The following UGT1A5 variants were observed in gnomAD, a reference collection of about 807,000 sequenced individuals.
UGT1A5 encodes UDP-glucuronosyltransferase 1A5.
A neutral mutation model predicts 40.3 loss-of-function variants in UGT1A5; 29 were observed. The observed-to-expected ratio is 0.72, with a 90% CI of 0.54 to 0.98. UGT1A5 has a LOEUF of 0.98. Ranked by LOEUF, UGT1A5 falls within the 50% of genes least tolerant of loss-of-function variation. The probability of loss-of-function intolerance (pLI) is 0.00; values close to 1 mark genes in which losing one functional copy is unlikely to be tolerated. For missense variants in UGT1A5, 678 were observed against 677.9 expected, an observed-to-expected ratio of 1.00 and a Z score of 0.00; for synonymous variants, 257 against 262.5, an observed-to-expected ratio of 0.98 and a Z score of 0.20.
At chr2:233,733,843 T>C (rs1303071690) in intron 1 of UGT1A5, among the ~76,000 whole-genome samples, 2 of 152,184 alleles carry the variant, frequency 1.3e-5, no homozygotes, top group African/African-American at 4.8e-5. Flanking sequence ...GAGGATTCCC[T>C]CTTTTTCTAT....
rs184388078 is a variant in UGT1A5 at position 233,743,692 on chromosome 2, G to A, written c.868-23342G>A. ...CGAAGGGCCTGCCGCCTGTGCAGCCGCCCTCCGCCCCCGCCTCGCCATAGC... is the reference window on the plus strand; with the variant it reads ...CGAAGGGCCTGCCGCCTGTGCAGCCACCCTCCGCCCCCGCCTCGCCATAGC... On this transcript the variant is annotated intron_variant, in intron 1 of 4. Coordinates refer to ENST00000373414, the MANE Select transcript of UGT1A5 (RefSeq NM_019078.2). The A allele has an allele frequency of 3.6e-4, 492 of 1,367,218 alleles. 1 individual carries two copies. Among genetic ancestry groups the A allele is most frequent in the Non-Finnish European group, 4.5e-4 (457 of 1,021,852 alleles). 84.7% of individuals were successfully genotyped at this position (1,367,218 alleles called of 1,614,324 possible). A position where few individuals can be genotyped will look rare whatever the true frequency, so the allele number is the denominator to read the frequency against.
intron 1 of UGT1A5, chr2:233,718,632 C>A: frequency 6.9e-7 from 1 of 1,448,466 alleles, no homozygotes; most frequent in Non-Finnish European, 9.3e-7. Flanking sequence ...TGGTCTTTCC[C>A]AGGGTTGGGC....
intron 1 of UGT1A5, among the ~76,000 whole-genome samples, chr2:233,766,276 C>T (rs1021162182): frequency 2.0e-5 from 3 of 151,848 alleles, no homozygotes; most frequent in Non-Finnish European, 2.9e-5. Flanking sequence ...GGCTCGGTGG[C>T]CCGGGCTCGG....
At chr2:233,716,382 C>T (rs2076502409) in intron 1 of UGT1A5, among the ~76,000 whole-genome samples, 3 of 152,170 alleles carry the variant, frequency 2.0e-5, no homozygotes, top group Admixed American at 2.0e-4. Context: ...TTCTGCCTAC[C>T]ACAGACACTA....
intron 1 of UGT1A5, chr2:233,752,460 T>C (rs1356858435): frequency 1.3e-5 from 2 of 152,236 alleles, no homozygotes; most frequent in African/African-American, 4.8e-5. Flanking sequence ...TACCCACATA[T>C]AGGCCTCTAG....
Position 233,713,519 on chromosome 2 carries a change from T to C in UGT1A5, c.528T>C (p.Ile176=). 6.2e-7 allele frequency: 1 copy of C among 1,613,934 alleles called. No homozygotes were observed. The change falls in exon 1 of 5, where the codon ATT becomes ATC. Residue 176 remains isoleucine (I), a synonymous_variant. Coordinates refer to ENST00000373414, the MANE Select transcript of UGT1A5 (RefSeq NM_019078.2). Reference sequence around the variant, plus strand: ...CTGCTGTGTTTTTCTTGAGGAACATTCCATGTGATTTAGACTTTAAGGGCA... The same window carrying C: ...CTGCTGTGTTTTTCTTGAGGAACATCCCATGTGATTTAGACTTTAAGGGCA... ...SIPAVFFLRN[I]PCDLDFKGTQ...
rs1478961341 is a variant in UGT1A5, at chr2:233,713,812, T to C, written c.821T>C (p.Val274Ala). 6.2e-7 allele frequency: 1 copy of C among 1,613,968 alleles called. No individual in the cohort carries two copies. Among genetic ancestry groups the C allele is most frequent in the Non-Finnish European group, 8.5e-7 (1 of 1,179,980 alleles). ...DYPRPIMPNM[V>A]FIGGINCANG... is the part of the protein sequence containing the mutation. ...CCCAGGCCGATCATGCCCAACATGG[T>C]CTTCATTGGGGGCATCAACTGTGCC... Residue 274 changes from valine (V) to alanine (A), a missense_variant, in exon 1 of 5, where the codon GTC becomes GCC. By Grantham distance (64) the Val-to-Ala change is moderately conservative. Coordinates refer to ENST00000373414, the MANE Select transcript of UGT1A5 (RefSeq NM_019078.2).
chr2:233,753,266 G>A (rs1351102535), intron 1 of UGT1A5: 2 of 152,220 alleles, frequency 1.3e-5, no homozygotes, highest in South Asian at 2.1e-4. Flanking sequence ...CAGGCACCTT[G>A]GAGCATGTTG....
chr2:233,761,904 G>A (rs887991064), intron 1 of UGT1A5, among the ~76,000 whole-genome samples: 2 of 152,234 alleles, frequency 1.3e-5, no homozygotes, highest in Non-Finnish European at 2.9e-5. Context: ...AAGATTGGCT[G>A]AGGATCTACT....
intron 1 of UGT1A5, chr2:233,719,341 G>A (rs188312736): frequency 1.2e-6 from 2 of 1,613,900 alleles, no homozygotes; most frequent in Non-Finnish European, 1.7e-6. Context: ...TTTTTTTGGA[G>A]GTACATTCCA....
At chr2:233,760,338 G>C (rs753493472) in intron 1 of UGT1A5, 4 of 1,614,036 alleles carry the variant, frequency 2.5e-6, no homozygotes, top group Admixed American at 1.7e-5. Context: ...GCCTGCTGCT[G>C]TGTGTGCTGG....
At chr2:233,761,667 C>T (rs1186419843) in intron 1 of UGT1A5, among the ~76,000 whole-genome samples, 1 of 152,258 alleles carries the variant, frequency 6.6e-6, no homozygotes, top group African/African-American at 2.4e-5. Flanking sequence ...AATCACCAGA[C>T]AGTCAGGTTC....
chr2:233,767,304 G>T, intron 2 of UGT1A5, 139 bp downstream of exon 2: 23 of 1,525,164 alleles, frequency 1.5e-5, no homozygotes, highest in South Asian at 2.6e-5. Context: ...TTAATCCAAA[G>T]GTTTTTTTTG....
At chr2:233,743,728 A>G in intron 1 of UGT1A5, 1 of 1,367,282 alleles carries the variant, frequency 7.3e-7, no homozygotes, top group Non-Finnish European at 9.8e-7. Context: ...GGTCATAGAT[A>G]TCGCGTTTCT....
At chr2:233,721,970 T>C (rs996384194) in intron 1 of UGT1A5, 2 of 281,884 alleles carry the variant, frequency 7.1e-6, no homozygotes, top group African/African-American at 4.4e-5. Context: ...CATACATTGA[T>C]GGCCTGGGTA....
At chr2:233,756,596 T>C (rs985647767) in intron 1 of UGT1A5, among the ~76,000 whole-genome samples, 4 of 152,230 alleles carry the variant, frequency 2.6e-5, no homozygotes, top group African/African-American at 7.2e-5. Context: ...CTATTTACTG[T>C]ATCGAAACCA....
chr2:233,772,831 T>TCACACAAGAAAGCCAGCAAGGAAGCAAGG lies in UGT1A5; in HGVS notation c.*273_*274insACACAAGAAAGCCAGCAAGGAAGCAAGGC. On this transcript the variant is annotated 3_prime_UTR_variant, in exon 5 of 5. Coordinates refer to ENST00000373414, the MANE Select transcript of UGT1A5 (RefSeq NM_019078.2). ...AGAGGACGTGCAGACAGGCTGGCAT[T>TCACACAAGAAAGCCAGCAAGGAAGCAAGG]CTAGATTACTTTTCTTACTCTGAAA... The TCACACAAGAAAGCCAGCAAGGAAGCAAGG allele has an allele frequency of 4.5e-6, 4 of 893,952 alleles. No individual in the cohort carries two copies. Among genetic ancestry groups the TCACACAAGAAAGCCAGCAAGGAAGCAAGG allele is most frequent in the Non-Finnish European group, 6.2e-6 (4 of 642,656 alleles). 55.4% of individuals were successfully genotyped at this position (893,952 alleles called of 1,614,324 possible).
At chr2:233,718,681 T>C in intron 1 of UGT1A5, 1 of 1,572,088 alleles carries the variant, frequency 6.4e-7, no homozygotes, top group Admixed American at 1.8e-5. Context: ...GGGTAATAAG[T>C]AACTGGAGGA....
intron 1 of UGT1A5, chr2:233,754,922 T>C: frequency 7.4e-7 from 1 of 1,349,928 alleles, no homozygotes; most frequent in South Asian, 1.1e-5. Flanking sequence ...CCAGCGGGTT[T>C]CCCAAGAGGT....
Sources: gnomAD v4.1 joint callset for allele counts (sites outside exome capture counted in the v4.1 genomes callset) on GRCh38, gnomAD v4.1.1 for gene constraint, MANE v1.5 for transcripts, NCBI Gene and HGNC (gene_info 2026-07-23, HGNC 2026-07-21) for gene names.